DLG2: variants seen among roughly 807,000 people sequenced by gnomAD.
The protein encoded by DLG2 is discs large MAGUK scaffold protein 2.
A neutral mutation model predicts 132.5 loss-of-function variants in DLG2; 45 were observed. The observed-to-expected ratio is 0.34, with a 90% confidence interval of 0.27 to 0.44. The LOEUF is 0.44. Ranked by LOEUF, DLG2 falls within the 20% of genes least tolerant of loss-of-function variation. DLG2 has a pLI of 1.00. For missense variants in DLG2, 1,045 were observed against 1,196.9 expected, an observed-to-expected ratio of 0.87 and a Z score of 1.87; for synonymous variants, 424 against 419.6, an observed-to-expected ratio of 1.01 and a Z score of -0.13.
intron 6 of DLG2, among the ~76,000 whole-genome samples, chr11:84,609,136 T>A: frequency 6.6e-6 from 1 of 152,184 alleles, no homozygotes; most frequent in East Asian, 1.9e-4. Context: ...GGCAATGCAT[T>A]GGAGTGGTTT....
At chr11:85,549,203 A>T (rs779460787) in intron 3 of DLG2, among the ~76,000 whole-genome samples, 1 of 152,160 alleles carries the variant, frequency 6.6e-6, no homozygotes, top group Non-Finnish European at 1.5e-5. Flanking sequence ...TACATGGTAC[A>T]GTCCCTAATG....
At chr11:84,936,257 T>C (rs77090586) in intron 6 of DLG2, among the ~76,000 whole-genome samples, 2,752 of 152,308 alleles carry the variant, frequency 0.018, 75 homozygotes, top group African/African-American at 0.062. Flanking sequence ...TATAAACTTT[T>C]ACTATAATGA....
chr11:84,597,948 A>G lies in DLG2; in HGVS notation c.358-63217T>C, dbSNP rs74716617. ...AAAAGAGAACAAATTAAATGATACC[A>G]TGAGAATAGTGCTTAATCAATCTAT... On this transcript the variant is annotated intron_variant, in intron 6 of 27. Transcript: ENST00000376104. Among the ~76,000 whole-genome samples the G allele has an allele frequency of 6.4e-3, 981 of 152,346 alleles. 14 individuals are homozygous for G. The highest frequency in any genetic ancestry group is 0.022 in the African/African-American group (897 of 41,584).
chr11:83,945,989 CTCTCT>C lies in DLG2; in HGVS notation c.1341-15511_1341-15507del, dbSNP rs200201193. 8.6e-3 allele frequency among the ~76,000 whole-genome samples: 1,066 copies of C among 123,494 alleles called. 23 individuals are homozygous for C. The highest frequency in any genetic ancestry group is 0.033 in the African/African-American group (935 of 28,408). 81.0% of individuals were successfully genotyped at this position (123,494 alleles called of 152,430 possible). On this transcript the variant is annotated intron_variant, in intron 14 of 27. Transcript: ENST00000376104. ...TCCTTTTCTCTTTCTCTTTCTCTCT[CTCTCT>C]TTTTTTTTTTTTTTTGACAGAGTCT...
At chr11:84,458,839 A>T (rs1408226592) in intron 7 of DLG2, among the ~76,000 whole-genome samples, 2 of 150,714 alleles carry the variant, frequency 1.3e-5, no homozygotes, top group Admixed American at 1.3e-4. Flanking sequence ...GTATTTAATT[A>T]TAAAAATTAC....
Position 85,598,779 on chromosome 11 carries a change from C to T in DLG2, c.-83G>A, listed in dbSNP as rs922583264. On this transcript the variant is annotated 5_prime_UTR_variant, in exon 3 of 28. Coordinates refer to ENST00000376104, the MANE Select transcript of DLG2 (RefSeq NM_001142699.3). ...GTATTCTTCCAGTAATGATAAAGCT[C>T]GGTCAGTATCTGAAAAACATGATAT... 3.3e-5 allele frequency: 36 copies of T among 1,076,976 alleles called. No homozygotes were observed. The highest frequency in any genetic ancestry group is 1.6e-5 in the African/African-American group (1 of 60,952). The allele number at this position is 1,076,976 out of a possible 1,614,324, so 66.7% of individuals were successfully genotyped here.
chr11:84,186,848 G>C (rs753885092), intron 8 of DLG2, among the ~76,000 whole-genome samples: 1 of 151,918 alleles, frequency 6.6e-6, no homozygotes, highest in Non-Finnish European at 1.5e-5. Context: ...TTTTGAACCA[G>C]AAATAAATAA....
At chr11:84,923,619 T>A (rs1225852761) in intron 6 of DLG2, 14 of 990,010 alleles carry the variant, frequency 1.4e-5, no homozygotes, top group Non-Finnish European at 1.6e-5. Context: ...CTTTGGAGGT[T>A]TAATATGAGC....
chr11:84,010,307 A>ATTATTAT (rs1438633838), intron 11 of DLG2, among the ~76,000 whole-genome samples: 2 of 150,920 alleles, frequency 1.3e-5, no homozygotes, highest in Non-Finnish European at 3.0e-5. Context: ...TATTATTATT[A>ATTATTAT]TTATTATTAT....
chr11:85,484,155 G>A (rs930035359), intron 3 of DLG2, among the ~76,000 whole-genome samples: 4 of 151,982 alleles, frequency 2.6e-5, no homozygotes, highest in Admixed American at 2.0e-4. Flanking sequence ...TCAGGTCCGC[G>A]CAGTCCGCCC....
At chr11:85,262,633 T>C (rs540822141) in intron 4 of DLG2, among the ~76,000 whole-genome samples, 77 of 152,302 alleles carry the variant, frequency 5.1e-4, no homozygotes, top group African/African-American at 1.8e-3. Context: ...ATCTTAGTTA[T>C]AGATGAGAAA....
chr11:84,323,540 C>A (rs77116764), intron 7 of DLG2, among the ~76,000 whole-genome samples: 2,012 of 152,100 alleles, frequency 0.013, 40 homozygotes, highest in African/African-American at 0.044. Context: ...GATTTCAATT[C>A]TTTTGAATAA....
intron 6 of DLG2, among the ~76,000 whole-genome samples, chr11:84,881,589 A>G (rs2087351613): frequency 6.6e-6 from 1 of 151,532 alleles, no homozygotes; most frequent in South Asian, 2.1e-4. Flanking sequence ...ACCCTGTTGG[A>G]TGCTTATTAC....
chr11:85,356,146 A>G (rs537017317), intron 3 of DLG2, among the ~76,000 whole-genome samples: 3 of 152,366 alleles, frequency 2.0e-5, no homozygotes, highest in African/African-American at 7.2e-5. Context: ...GAAGAGCCAC[A>G]GACTCTCCAT....
At chr11:85,309,641 T>C (rs2080189507) in intron 3 of DLG2, among the ~76,000 whole-genome samples, 1 of 152,086 alleles carries the variant, frequency 6.6e-6, no homozygotes, top group African/African-American at 2.4e-5. Context: ...CAACCTGACA[T>C]CCTCCCTGTC....
chr11:85,626,874 T>C (rs2082058789), intron 1 of DLG2, 121 bp from the exon 2 acceptor site: 2 of 152,198 alleles, frequency 1.3e-5, no homozygotes, highest in Admixed American at 1.3e-4. Context: ...TCAGAAAATA[T>C]TTAGACTGTT....
intron 3 of DLG2, among the ~76,000 whole-genome samples, chr11:85,352,279 G>A (rs183263300): frequency 3.4e-4 from 52 of 151,902 alleles, no homozygotes; most frequent in South Asian, 1.0e-3. Flanking sequence ...TTTTTATTGC[G>A]TCTATTTGAT....
intron 6 of DLG2, among the ~76,000 whole-genome samples, chr11:84,627,539 G>C (rs1028319254): frequency 6.6e-6 from 1 of 152,186 alleles, no homozygotes; most frequent in Admixed American, 6.5e-5. Flanking sequence ...GCAAAGGCTT[G>C]TACCCAAAAG....
chr11:84,246,578 A>C (rs1189818348), intron 8 of DLG2, among the ~76,000 whole-genome samples: 4 of 152,250 alleles, frequency 2.6e-5, no homozygotes, highest in Non-Finnish European at 5.9e-5. Flanking sequence ...TTGTATGATG[A>C]AGCTGCTAAG....
Sources: allele counts gnomAD v4.1 joint callset (sites outside exome capture counted in the v4.1 genomes callset), GRCh38; gene constraint gnomAD v4.1.1; transcripts MANE v1.5; gene names NCBI Gene and HGNC (gene_info 2026-07-23, HGNC 2026-07-21).